Variants in POTEJ observed in about 807,000 individuals in gnomAD.
The protein encoded by POTEJ is POTE ankyrin domain family, member J.
In POTEJ, 11 loss-of-function variants were observed where a neutral mutation model predicts 69.0. That is an observed-to-expected ratio of 0.16 (90% CI 0.10 to 0.26). The LOEUF is 0.26. Among genes scored for constraint, POTEJ ranks in the 10% least tolerant of loss-of-function variants. POTEJ has a pLI of 1.00. For missense variants in POTEJ, 327 were observed against 1,045.5 expected, an observed-to-expected ratio of 0.31 and a Z score of 9.48; for synonymous variants, 117 against 381.1, an observed-to-expected ratio of 0.31 and a Z score of 8.07.
intron 1 of POTEJ, among the ~76,000 whole-genome samples, chr2:130,612,237 A>G (rs1415989957): frequency 1.3e-5 from 2 of 151,300 alleles, no homozygotes; most frequent in Non-Finnish European, 1.5e-5. Flanking sequence ...ATTATTTTTA[A>G]TCTACAGATT....
intron 10 of POTEJ, among the ~76,000 whole-genome samples, chr2:130,640,847 T>C (rs1311343209): frequency 6.6e-6 from 1 of 152,210 alleles, no homozygotes; most frequent in Admixed American, 6.5e-5. Context: ...CTTATGTTTT[T>C]TCTGCCAGAA....
intron 10 of POTEJ, among the ~76,000 whole-genome samples, chr2:130,638,987 A>G (rs575517280): frequency 2.0e-4 from 31 of 152,316 alleles, no homozygotes; most frequent in Admixed American, 1.6e-3. Context: ...ATCATCAGGC[A>G]TTAGATTCTC....
chr2:130,655,424 G>A (rs1214889854), intron 14 of POTEJ, among the ~76,000 whole-genome samples: 1 of 152,242 alleles, frequency 6.6e-6, no homozygotes, highest in Non-Finnish European at 1.5e-5. Flanking sequence ...AAGAAAGTAG[G>A]AAATGTACAG....
intron 6 of POTEJ, among the ~76,000 whole-genome samples, chr2:130,626,856 T>A (rs1335204565): frequency 6.6e-6 from 1 of 152,194 alleles, no homozygotes. Context: ...GCTTTTTTCA[T>A]TTGTTTTGCT....
chr2:130,641,704 G>T (rs1686381967), intron 10 of POTEJ, among the ~76,000 whole-genome samples: 1 of 151,800 alleles, frequency 6.6e-6, no homozygotes. Context: ...CAGCAGGAAT[G>T]ACTAATTTTT....
intron 1 of POTEJ, among the ~76,000 whole-genome samples, chr2:130,613,216 A>G (rs1685277291): frequency 6.8e-6 from 1 of 147,118 alleles, no homozygotes; most frequent in South Asian, 2.1e-4. Context: ...ATGCCTATTT[A>G]TATACGCAGA....
At position 130,652,006 on chromosome 2, in the gene POTEJ, A is replaced by G. The variant is rs1686825879; in HGVS notation, c.1668-2915A>G. ...CCCAATAGTTTGGCTTTGTGTTTCT[A>G]TGCAAATCTCATGTCAAATTGTAAT... On this transcript the variant is annotated intron_variant, in intron 13 of 14. Coordinates refer to ENST00000409602, the MANE Select transcript of POTEJ (RefSeq NM_001277083.2). Among the ~76,000 whole-genome samples, 2 of 134,084 alleles carry G rather than the reference A, an allele frequency of 1.5e-5. 1 individual carries two copies. The highest frequency in any genetic ancestry group is 3.1e-5 in the Non-Finnish European group (2 of 65,160). 88.0% of individuals were successfully genotyped at this position (134,084 alleles called of 152,430 possible). A position where few individuals can be genotyped will look rare whatever the true frequency, so the allele number is the denominator to read the frequency against.
At chr2:130,641,047 C>G (rs557802306) in intron 10 of POTEJ, among the ~76,000 whole-genome samples, 3 of 152,174 alleles carry the variant, frequency 2.0e-5, no homozygotes, top group African/African-American at 2.4e-5. Flanking sequence ...TGGTCTCTGT[C>G]ATATCTACTT....
chr2:130,650,089 G>A (rs1686752437), intron 13 of POTEJ, among the ~76,000 whole-genome samples: 1 of 152,276 alleles, frequency 6.6e-6, no homozygotes, highest in African/African-American at 2.4e-5. Context: ...GATTCAATTG[G>A]GAACATACCA....
At chr2:130,628,843 C>T (rs1322760304) in intron 6 of POTEJ, among the ~76,000 whole-genome samples, 1 of 149,838 alleles carries the variant, frequency 6.7e-6, no homozygotes, top group Non-Finnish European at 1.5e-5. Context: ...AATGGTGAAA[C>T]CCCATCTCTA....
At chr2:130,637,685 T>A (rs1310394414) in intron 9 of POTEJ, among the ~76,000 whole-genome samples, 1 of 152,280 alleles carries the variant, frequency 6.6e-6, no homozygotes, top group Non-Finnish European at 1.5e-5. Flanking sequence ...ATTGTTAGTA[T>A]GTATGTTAAA....
chr2:130,614,087 G>A (rs1685339426), intron 1 of POTEJ, among the ~76,000 whole-genome samples: 2 of 129,386 alleles, frequency 1.5e-5, no homozygotes, highest in East Asian at 4.1e-4. Context: ...AACCAGGGAG[G>A]TGGAGGTTGC....
rs1227628435 is a variant in POTEJ, at chr2:130,624,141, C to A, written c.1015+7C>A. 3 of 1,429,846 alleles carry A rather than the reference C, an allele frequency of 2.1e-6. 1 individual carries two copies. Among genetic ancestry groups the A allele is most frequent in the African/African-American group, 3.8e-5 (2 of 53,072 alleles). The allele number at this position is 1,429,846 out of a possible 1,614,324, so 88.6% of individuals were successfully genotyped here. A position where few individuals can be genotyped will look rare whatever the true frequency, so the allele number is the denominator to read the frequency against. On this transcript the variant is annotated splice_region_variant and intron_variant, in intron 6 of 14. Coordinates refer to ENST00000409602, the MANE Select transcript of POTEJ (RefSeq NM_001277083.2). Reference sequence around the variant, plus strand: ...TCTGAAAACAGCAATCCAGGTAAGACTTGTGATAGTGAATTACTTTAGTCA... The same window carrying A: ...TCTGAAAACAGCAATCCAGGTAAGAATTGTGATAGTGAATTACTTTAGTCA...
intron 14 of POTEJ, among the ~76,000 whole-genome samples, chr2:130,655,653 A>G (rs1375646303): frequency 6.6e-6 from 1 of 152,058 alleles, no homozygotes; most frequent in African/African-American, 2.4e-5. Flanking sequence ...AAACATTATA[A>G]AGAGGAAATA....
chr2:130,655,633 C>T lies in POTEJ; in HGVS notation c.1788+592C>T, dbSNP rs531767874. On this transcript the variant is annotated intron_variant, in intron 14 of 14. Coordinates refer to ENST00000409602, the MANE Select transcript of POTEJ (RefSeq NM_001277083.2). ...GTATATTTCCCCTATTTCACCATTA[C>T]TACTGTTTCAAACATTATAAAGAGG... Among the ~76,000 whole-genome samples, 11 of 152,200 alleles carry T rather than the reference C, an allele frequency of 7.2e-5. No individual in the cohort carries two copies. The South Asian group carries it at 2.3e-3, about 32-fold the overall frequency.
chr2:130,624,864 A>G (rs1248003560), intron 6 of POTEJ, among the ~76,000 whole-genome samples: 1 of 152,126 alleles, frequency 6.6e-6, no homozygotes, highest in Non-Finnish European at 1.5e-5. Flanking sequence ...TGTTGGAACA[A>G]GATGTGTTCT....
chr2:130,655,265 A>G (rs1360339672), intron 14 of POTEJ, among the ~76,000 whole-genome samples: 3 of 152,112 alleles, frequency 2.0e-5, no homozygotes, highest in Non-Finnish European at 4.4e-5. Flanking sequence ...GCCTCAATCC[A>G]AAGGAGAAGT....
At chr2:130,636,600 C>T (rs559711885) in intron 9 of POTEJ, among the ~76,000 whole-genome samples, 6 of 147,936 alleles carry the variant, frequency 4.1e-5, no homozygotes, top group African/African-American at 7.4e-5. Flanking sequence ...TCTAACATAC[C>T]GTATATTTTG....
rs540277307 is a variant in POTEJ at position 130,641,823 on chromosome 2, T to C, written c.1370-2160T>C. Among the ~76,000 whole-genome samples the C allele has an allele frequency of 5.4e-3, 818 of 152,128 alleles. 1 individual carries two copies. The highest frequency in any genetic ancestry group is 0.019 in the African/African-American group (796 of 41,330). On this transcript the variant is annotated intron_variant, in intron 10 of 14. Coordinates refer to ENST00000409602, the MANE Select transcript of POTEJ (RefSeq NM_001277083.2). ...TAGTTTGACTCTCAGTAATAAGACT[T>C]GTCAAAGATCCAAGAATCTGAAAGT...
Sources: gnomAD v4.1 joint callset for allele counts (sites outside exome capture counted in the v4.1 genomes callset) on GRCh38, gnomAD v4.1.1 for gene constraint, MANE v1.5 for transcripts, NCBI Gene and HGNC (gene_info 2026-07-23, HGNC 2026-07-21) for gene names.